PIK3C2A: variants seen among roughly 807,000 people sequenced by gnomAD.
PIK3C2A encodes phosphatidylinositol 4-phosphate 3-kinase C2 domain-containing subunit alpha.
A neutral mutation model predicts 204.5 loss-of-function variants in PIK3C2A; 97 were observed. The observed-to-expected ratio is 0.47, with a 90% CI of 0.40 to 0.56. The LOEUF (loss-of-function observed/expected upper bound fraction) is 0.56. Ranked by LOEUF, PIK3C2A falls within the 20% of genes least tolerant of loss-of-function variation. PIK3C2A has a pLI of 0.00. For synonymous variants in PIK3C2A, 653 were observed against 664.4 expected (o/e 0.98, Z 0.26); for missense variants, 1,735 against 1,969.2 (o/e 0.88, Z 2.25).
chr11:17,143,692 T>C (rs1486309028), intron 8 of PIK3C2A, among the ~76,000 whole-genome samples: 1 of 151,146 alleles, frequency 6.6e-6, no homozygotes, highest in Non-Finnish European at 1.5e-5. Flanking sequence ...ATTCCAGCAC[T>C]ATGGGAGGCC....
At chr11:17,102,310 G>A (rs187630260) in intron 24 of PIK3C2A, among the ~76,000 whole-genome samples, 38 of 152,154 alleles carry the variant, frequency 2.5e-4, no homozygotes, top group South Asian at 1.2e-3. Flanking sequence ...GGTGGCGGGC[G>A]CCTGTAGTCC....
intron 1 of PIK3C2A, among the ~76,000 whole-genome samples, chr11:17,184,289 G>A (rs1212985631): frequency 6.6e-6 from 1 of 151,386 alleles, no homozygotes; most frequent in Admixed American, 6.6e-5. Context: ...TTCAGAAGAC[G>A]GCATTGTTAT....
intron 1 of PIK3C2A, among the ~76,000 whole-genome samples, chr11:17,184,100 GCA>G (rs1343354478): frequency 2.6e-5 from 4 of 151,950 alleles, no homozygotes; most frequent in Middle Eastern, 3.4e-3. Flanking sequence ...TCTTGCCTGA[GCA>G]CAGAGTAAGA....
intron 1 of PIK3C2A, among the ~76,000 whole-genome samples, chr11:17,203,290 C>T (rs1487584093): frequency 6.7e-6 from 1 of 148,556 alleles, no homozygotes; most frequent in African/African-American, 2.5e-5. Context: ...GCCAGGAGTT[C>T]AAGACCAGCC....
chr11:17,147,417 A>G, intron 6 of PIK3C2A, 100 bp downstream of exon 6: 2 of 670,120 alleles, frequency 3.0e-6, no homozygotes, highest in South Asian at 1.9e-5. Flanking sequence ...ACCCCATTCT[A>G]ACTATGAAAT....
intron 3 of PIK3C2A, among the ~76,000 whole-genome samples, chr11:17,152,756 T>C (rs1330307543): frequency 6.6e-6 from 1 of 152,162 alleles, no homozygotes; most frequent in Non-Finnish European, 1.5e-5. Flanking sequence ...GGTTTATTTT[T>C]CTACTTTTGT....
chr11:17,102,393 T>C (rs947471313), intron 24 of PIK3C2A, among the ~76,000 whole-genome samples: 14 of 152,106 alleles, frequency 9.2e-5, no homozygotes, highest in African/African-American at 2.7e-4. Context: ...GCCGAGATCG[T>C]GCCACTGCAC....
intron 8 of PIK3C2A, among the ~76,000 whole-genome samples, chr11:17,139,351 C>T (rs1030666164): frequency 6.6e-6 from 1 of 152,132 alleles, no homozygotes; most frequent in African/African-American, 2.4e-5. Context: ...CCTCAGCCTC[C>T]CGAGAAGGTG....
chr11:17,129,614 G>A (rs1849633807), intron 12 of PIK3C2A, 147 bp from the exon 13 acceptor site: 1 of 621,574 alleles, frequency 1.6e-6, no homozygotes. Flanking sequence ...TTATTGAGAA[G>A]GCGTTTTTGC....
At chr11:17,151,280 T>C (rs1205911327) in intron 3 of PIK3C2A, among the ~76,000 whole-genome samples, 4 of 152,216 alleles carry the variant, frequency 2.6e-5, no homozygotes, top group Non-Finnish European at 4.4e-5. Context: ...ATGTGGTGTA[T>C]GGCTCATCTC....
intron 15 of PIK3C2A, 91 bp downstream of exon 15, chr11:17,122,097 A>T: frequency 2.7e-6 from 2 of 739,998 alleles, no homozygotes; most frequent in African/African-American, 1.9e-5. Flanking sequence ...CTGATAAATC[A>T]TGAACAGAAT....
chr11:17,126,954 A>T (rs1250285370), intron 13 of PIK3C2A, among the ~76,000 whole-genome samples: 1 of 152,226 alleles, frequency 6.6e-6, no homozygotes, highest in East Asian at 1.9e-4. Flanking sequence ...AAGAGCAAGA[A>T]GGTTTTCAGA....
intron 3 of PIK3C2A, among the ~76,000 whole-genome samples, chr11:17,152,439 T>G (rs1044305593): frequency 6.6e-6 from 1 of 152,114 alleles, no homozygotes. Context: ...GTGGGGTTTT[T>G]TTGTAGCGAA....
At chr11:17,200,785 A>T (rs1852342387) in intron 1 of PIK3C2A, among the ~76,000 whole-genome samples, 1 of 152,254 alleles carries the variant, frequency 6.6e-6, no homozygotes, top group South Asian at 2.1e-4. Context: ...TACTAAGTGT[A>T]AATTATACCT....
chr11:17,167,462 A>G (rs1390668750), intron 2 of PIK3C2A, among the ~76,000 whole-genome samples: 5 of 152,126 alleles, frequency 3.3e-5, no homozygotes, highest in Non-Finnish European at 7.3e-5. Flanking sequence ...GTTTCTACTA[A>G]AAATACAAAA....
At chr11:17,103,048 T>A (rs192799159) in intron 23 of PIK3C2A, among the ~76,000 whole-genome samples, 2 of 152,074 alleles carry the variant, frequency 1.3e-5, no homozygotes, top group Non-Finnish European at 2.9e-5. Context: ...TCTCTAGCTT[T>A]TCTCTTTTAA....
Position 17,169,677 on chromosome 11 carries a change from C to T in PIK3C2A, c.65G>A (p.Arg22Lys). 1.2e-6 allele frequency: 2 copies of T among 1,611,802 alleles called. No individual in the cohort carries two copies. ...ECPSSHPEPT[R>K]AKDVDKEEAL... ...TTCTTCTTTGTCCACATCTTTTGCT[C>T]TTGTTGGTTCCGGATGTGAAGATGG... The change falls in exon 2 of 33, where the codon AGA becomes AAA. Residue 22 changes from arginine to lysine, a missense_variant. By Grantham distance (26) the Arg-to-Lys change is conservative (BLOSUM62 2). Around this residue, in one of 6 missense-constraint regions of PIK3C2A, gnomAD observed 536 missense variants for 546.7 expected, o/e 0.98. Coordinates refer to ENST00000691414, the MANE Select transcript of PIK3C2A (RefSeq NM_002645.4).
intron 8 of PIK3C2A, among the ~76,000 whole-genome samples, chr11:17,138,861 A>G (rs1324777068): frequency 6.6e-6 from 1 of 152,168 alleles, no homozygotes; most frequent in Non-Finnish European, 1.5e-5. Flanking sequence ...TTCCTGCCTT[A>G]GAGTCCTCTT....
At chr11:17,138,994 G>A (rs561505915) in intron 8 of PIK3C2A, among the ~76,000 whole-genome samples, 88 of 151,616 alleles carry the variant, frequency 5.8e-4, no homozygotes, top group African/African-American at 2.0e-3. Context: ...TGCAACCTCC[G>A]CCTCCCAGGT....
Sources: allele counts gnomAD v4.1 joint callset (sites outside exome capture counted in the v4.1 genomes callset), GRCh38; gene constraint gnomAD v4.1.1; regional missense constraint gnomAD v4.1.1; transcripts MANE v1.5; gene names NCBI Gene and HGNC (gene_info 2026-07-23, HGNC 2026-07-21).